Variants in IL1RL1 observed in about 807,000 individuals in gnomAD.
IL1RL1 encodes interleukin 1 receptor like 1, also known as interleukin-1 receptor-like 1.
IL1RL1 carries 32 observed loss-of-function variants against 50.9 expected under a neutral mutation model. The ratio of observed to expected loss-of-function variants is 0.63; its 90% CI spans 0.47 to 0.84. The LOEUF is 0.84. Among genes scored for constraint, IL1RL1 ranks in the 40% least tolerant of loss-of-function variants. IL1RL1 has a pLI of 0.00. For missense variants in IL1RL1, 773 were observed against 662.9 expected, an observed-to-expected ratio of 1.17 and a Z score of -1.82; for synonymous variants, 275 against 236.0, an observed-to-expected ratio of 1.17 and a Z score of -1.51.
At chr2:102,342,424 TC>T in intron 6 of IL1RL1, 130 bp downstream of exon 6, 1 of 638,376 alleles carries the variant, frequency 1.6e-6, no homozygotes, top group Non-Finnish European at 2.8e-6. Context: ...TGAGGTGACA[TC>T]CCTGAAAGCA....
chr2:102,340,333 C>G, intron 4 of IL1RL1, 61 bp downstream of exon 4: 1 of 1,393,702 alleles, frequency 7.2e-7, no homozygotes, highest in East Asian at 2.4e-5. Context: ...ACACAAGTGG[C>G]CGGGCACAGT....
chr2:102,348,083 C>G lies in IL1RL1; in HGVS notation c.1109C>G (p.Thr370Ser). Residue 370 changes from threonine (T) to serine (S), a missense_variant, in exon 9 of 11, where the codon ACT (threonine) becomes AGT (serine). Physicochemically the swap from Thr to Ser is moderately conservative, Grantham distance 58. Coordinates refer to ENST00000233954, the MANE Select transcript of IL1RL1 (RefSeq NM_016232.5). ...AGAGACATAGCTAAACCTTACAAGA[C>G]TAGGAATGGTAAGTGGCAAATACCA... is the stretch of plus-strand genomic sequence containing the variant. ...LWRDIAKPYK[T>S]RNDGKLYDAY... The G allele has an allele frequency of 1.2e-6, 2 of 1,609,324 alleles. No homozygotes were observed. Among genetic ancestry groups the G allele is most frequent in the Middle Eastern group, 1.7e-4 (1 of 6,028 alleles).
chr2:102,351,745 TC>T lies in IL1RL1; in HGVS notation c.1498del (p.Leu500SerfsTer5). The T allele has an allele frequency of 1.2e-6, 2 of 1,613,988 alleles. No homozygotes were observed. The highest frequency in any genetic ancestry group is 1.1e-5 in the South Asian group (1 of 91,080). Reference sequence around the variant, plus strand: ...GCTGCAGGCTGAGGCGCTTCAGGACTCCCTCCAGCATCTTATGAAAGTACAG... The same window carrying T: ...GCTGCAGGCTGAGGCGCTTCAGGACTCCTCCAGCATCTTATGAAAGTACAG... ...DMLQAEALQDSLQHLMKVQGT... is the reference protein window; with the variant it reads ...DMLQAEALQDXLQHLMKVQGT... On this transcript the variant is annotated frameshift_variant, in exon 11 of 11. Coordinates refer to ENST00000233954, the MANE Select transcript of IL1RL1 (RefSeq NM_016232.5). LOFTEE classifies it low-confidence loss of function (END_TRUNC).
intron 3 of IL1RL1, 41 bp from the exon 4 acceptor site, chr2:102,340,057 A>G (rs748211129): frequency 7.9e-7 from 1 of 1,266,146 alleles, no homozygotes; most frequent in Middle Eastern, 2.3e-4. Flanking sequence ...TTATTTCACA[A>G]TGCTAAGTGA....
chr2:102,313,496 G>A (rs956016016), intron 1 of IL1RL1: 3 of 152,174 alleles, frequency 2.0e-5, no homozygotes, highest in East Asian at 1.9e-4. Flanking sequence ...TGGAGATGTG[G>A]CCGCATAGCT....
chr2:102,343,855 G>A, intron 8 of IL1RL1: 1 of 1,008,696 alleles, frequency 9.9e-7, no homozygotes, highest in South Asian at 4.3e-5. Context: ...CATTTTGTTA[G>A]CGAGGGTGGT....
intron 1 of IL1RL1, among the ~76,000 whole-genome samples, chr2:102,331,131 C>G (rs965237731): frequency 6.6e-6 from 1 of 152,204 alleles, no homozygotes; most frequent in African/African-American, 2.4e-5. Context: ...ACTGTTTTCA[C>G]TATGGTAGCT....
chr2:102,352,257 A>C (rs1261361166), downstream of IL1RL1, among the ~76,000 whole-genome samples: 1 of 149,576 alleles, frequency 6.7e-6, no homozygotes, highest in African/African-American at 2.5e-5. Context: ...CAATAATCTG[A>C]ATAGCAAACT....
chr2:102,327,631 G>T (rs1287602329), intron 1 of IL1RL1, among the ~76,000 whole-genome samples: 2 of 152,030 alleles, frequency 1.3e-5, no homozygotes, highest in African/African-American at 2.4e-5. Context: ...GAAGAAAAGG[G>T]AGAAGAATCA....
At chr2:102,336,219 T>C (rs1677321276) in intron 1 of IL1RL1, among the ~76,000 whole-genome samples, 1 of 152,182 alleles carries the variant, frequency 6.6e-6, no homozygotes, top group Non-Finnish European at 1.5e-5. Flanking sequence ...CCAGCCTTCT[T>C]GAGTTCAAAT....
chr2:102,324,070 A>G (rs762877836), intron 1 of IL1RL1, among the ~76,000 whole-genome samples: 16 of 147,282 alleles, frequency 1.1e-4, no homozygotes, highest in Non-Finnish European at 2.2e-4. Flanking sequence ...TAGTTTAGCC[A>G]TATATGTGCT....
intron 1 of IL1RL1, among the ~76,000 whole-genome samples, chr2:102,330,876 A>G (rs1211869752): frequency 6.6e-6 from 1 of 152,102 alleles, no homozygotes; most frequent in African/African-American, 2.4e-5. Context: ...ATATGTTCCT[A>G]CTTCAGGTTT....
chr2:102,343,532 G>T, intron 8 of IL1RL1, 117 bp downstream of exon 8: 1 of 1,588,480 alleles, frequency 6.3e-7, no homozygotes. Context: ...GCCATAAAAT[G>T]TGCTTCTCTT....
chr2:102,311,968 A>G (rs538327925), intron 1 of IL1RL1, among the ~76,000 whole-genome samples: 13 of 27,660 alleles, frequency 4.7e-4, no homozygotes, highest in Non-Finnish European at 8.2e-4. Flanking sequence ...TATTATATAT[A>G]ATATTATATA....
chr2:102,345,395 GAA>G lies in IL1RL1; in HGVS notation c.970+1982_970+1983del, dbSNP rs566131925. 2.2e-4 allele frequency: 213 copies of G among 985,312 alleles called. 1 individual carries two copies. The African/African-American group carries it at 3.5e-3, about 16-fold the overall frequency. 61.0% of individuals were successfully genotyped at this position (985,312 alleles called of 1,614,324 possible). On this transcript the variant is annotated intron_variant, in intron 8 of 10. Transcript: ENST00000233954. ...GCATTGTATCCCGTATAAAAGGAAG[GAA>G]AGAGAGAAATATATTTTTACACTCA...
At chr2:102,335,441 A>G (rs1247715473) in intron 1 of IL1RL1, among the ~76,000 whole-genome samples, 1 of 152,206 alleles carries the variant, frequency 6.6e-6, no homozygotes, top group African/African-American at 2.4e-5. Flanking sequence ...CCCAGCCACA[A>G]CTGGGTGAAC....
chr2:102,311,879 A>C (rs189179293), intron 1 of IL1RL1, among the ~76,000 whole-genome samples: 1 of 43,068 alleles, frequency 2.3e-5, no homozygotes, highest in Non-Finnish European at 4.0e-5. Context: ...TATATTATAT[A>C]ATATAATATA....
intron 1 of IL1RL1, among the ~76,000 whole-genome samples, chr2:102,318,063 A>AG (rs1573128329): frequency 6.6e-6 from 1 of 152,158 alleles, no homozygotes; most frequent in Non-Finnish European, 1.5e-5. Flanking sequence ...ACAGACCCCC[A>AG]GGGGGTCTTC....
intron 1 of IL1RL1, among the ~76,000 whole-genome samples, chr2:102,328,074 A>G (rs2104971586): frequency 6.6e-6 from 1 of 152,330 alleles, no homozygotes; most frequent in South Asian, 2.1e-4. Context: ...TTAGACCAAT[A>G]TCCCTGATGA....
Sources: allele counts gnomAD v4.1 joint callset (sites outside exome capture counted in the v4.1 genomes callset), GRCh38; gene constraint gnomAD v4.1.1; transcripts MANE v1.5; gene names NCBI Gene and HGNC (gene_info 2026-07-23, HGNC 2026-07-21).